Variants in VGLL4 observed in about 807,000 individuals in gnomAD.
The protein encoded by VGLL4 is transcription cofactor vestigial-like protein 4.
A neutral mutation model predicts 21.0 loss-of-function variants in VGLL4; 7 were observed. The observed-to-expected ratio is 0.33, with a 90% confidence interval of 0.19 to 0.63. The LOEUF is 0.63. Among genes scored for constraint, VGLL4 ranks in the 20% least tolerant of loss-of-function variants. The probability of loss-of-function intolerance (pLI) is 0.78; values close to 1 mark genes in which losing one functional copy is unlikely to be tolerated. For missense variants in VGLL4, 394 were observed against 425.7 expected, an observed-to-expected ratio of 0.93 and a Z score of 0.66; for synonymous variants, 222 against 173.2, an observed-to-expected ratio of 1.28 and a Z score of -2.21.
At chr3:11,596,377 A>G (rs2074641019) in intron 2 of VGLL4, among the ~76,000 whole-genome samples, 3 of 152,224 alleles carry the variant, frequency 2.0e-5, no homozygotes, top group African/African-American at 7.2e-5. Context: ...AAAACCATAA[A>G]CAAATCCTGA....
At chr3:11,579,882 G>A (rs994680698) in intron 2 of VGLL4, among the ~76,000 whole-genome samples, 2 of 152,056 alleles carry the variant, frequency 1.3e-5, no homozygotes, top group Middle Eastern at 3.2e-3. Flanking sequence ...CCTGGAGCTC[G>A]GTCTGCCCTC....
At chr3:11,654,416 G>A (rs1450466411) in intron 2 of VGLL4, among the ~76,000 whole-genome samples, 2 of 152,142 alleles carry the variant, frequency 1.3e-5, no homozygotes, top group African/African-American at 2.4e-5. Flanking sequence ...CTAAACTCAC[G>A]CAAAGAGCAG....
chr3:11,713,561 A>ATTT (rs2076877883), intron 1 of VGLL4, among the ~76,000 whole-genome samples: 39 of 76,298 alleles, frequency 5.1e-4, no homozygotes, highest in Admixed American at 4.7e-3. Context: ...GTGTGTATAT[A>ATTT]TATTATTTAT....
intron 2 of VGLL4, among the ~76,000 whole-genome samples, chr3:11,595,135 T>C (rs1200675748): frequency 1.3e-5 from 2 of 152,104 alleles, no homozygotes; most frequent in Admixed American, 6.5e-5. Context: ...CACTCCAGCC[T>C]GGGCAACAAG....
chr3:11,645,547 G>A (rs1391107847), upstream of VGLL4, among the ~76,000 whole-genome samples: 6 of 85,290 alleles, frequency 7.0e-5, 1 homozygote, highest in Non-Finnish European at 1.2e-4. Flanking sequence ...CCAAGATTGC[G>A]CCACTGCAGT....
At chr3:11,667,455 A>G (rs1397443410) in intron 2 of VGLL4, among the ~76,000 whole-genome samples, 1 of 152,192 alleles carries the variant, frequency 6.6e-6, no homozygotes, top group Non-Finnish European at 1.5e-5. Flanking sequence ...CTATTTACAT[A>G]TTGACATATA....
intron 2 of VGLL4, chr3:11,671,326 C>T (rs367897906): frequency 8.2e-5 from 121 of 1,471,006 alleles, no homozygotes; most frequent in South Asian, 7.8e-4. Context: ...TGTCAAAATG[C>T]GTATTCTCAG....
intron 1 of VGLL4, among the ~76,000 whole-genome samples, chr3:11,627,019 T>TAG (rs1484044842): frequency 1.3e-5 from 2 of 152,018 alleles, no homozygotes; most frequent in African/African-American, 4.8e-5. Flanking sequence ...GTGTTATCAC[T>TAG]TAAATGTAGT....
Position 11,573,233 on chromosome 3 carries a change from A to G in VGLL4, c.273-8214T>C, listed in dbSNP as rs1464764602. 2.3e-5 allele frequency among the ~76,000 whole-genome samples: 3 copies of G among 132,330 alleles called. No homozygotes were observed. The Admixed American group carries it at 2.3e-4, about 10-fold the overall frequency. 86.8% of individuals were successfully genotyped at this position (132,330 alleles called of 152,430 possible). A position where few individuals can be genotyped will look rare whatever the true frequency, so the allele number is the denominator to read the frequency against. On this transcript the variant is annotated intron_variant, in intron 2 of 4. Coordinates refer to ENST00000430365, the MANE Select transcript of VGLL4 (RefSeq NM_001128219.3). ...GAGAGAGAGAGAAAGACAGACAGAA[A>G]GAAAAGAAATAGAGAAAGAAAGAAA...
At position 11,674,011 on chromosome 3, in the gene VGLL4, C is replaced by CA. The variant is rs11293628; in HGVS notation, c.64+28959dup. ...TGGGTGACAGAGCGAGACTTTGTCT[C>CA]AAAAAAAAAAAAAAAAAAAAAAAAA... On this transcript the variant is annotated intron_variant, in intron 2 of 5. Transcript: ENST00000273038. Among the ~76,000 whole-genome samples the CA allele has an allele frequency of 3.3e-3, 189 of 56,862 alleles. 5 individuals are homozygous for CA. Among genetic ancestry groups the CA allele is most frequent in the East Asian group, 0.018 (40 of 2,224 alleles). 37.3% of individuals were successfully genotyped at this position (56,862 alleles called of 152,430 possible). A position where few individuals can be genotyped will look rare whatever the true frequency, so the allele number is the denominator to read the frequency against.
intron 2 of VGLL4, among the ~76,000 whole-genome samples, chr3:11,699,817 A>G (rs1483966859): frequency 1.3e-5 from 2 of 152,210 alleles, no homozygotes; most frequent in African/African-American, 4.8e-5. Flanking sequence ...GTCTCAAAAA[A>G]AAAAAGGAGA....
intron 2 of VGLL4, among the ~76,000 whole-genome samples, chr3:11,664,328 G>C (rs1370456976): frequency 6.6e-6 from 1 of 152,158 alleles, no homozygotes; most frequent in African/African-American, 2.4e-5. Flanking sequence ...CCAGAGTCCA[G>C]TGCACTACTT....
chr3:11,592,154 A>C (rs2074515313), intron 2 of VGLL4, among the ~76,000 whole-genome samples: 1 of 152,248 alleles, frequency 6.6e-6, no homozygotes, highest in African/African-American at 2.4e-5. Context: ...GATTTATGAA[A>C]TCTAGAGGGA....
intron 1 of VGLL4, among the ~76,000 whole-genome samples, chr3:11,628,541 C>A (rs1191760800): frequency 6.6e-6 from 1 of 152,106 alleles, no homozygotes; most frequent in Non-Finnish European, 1.5e-5. Flanking sequence ...TCAATCTCGG[C>A]CGGGCGCGGT....
intron 2 of VGLL4, among the ~76,000 whole-genome samples, chr3:11,659,161 G>A (rs2075998077): frequency 6.6e-6 from 1 of 152,060 alleles, no homozygotes; most frequent in Non-Finnish European, 1.5e-5. Context: ...CACTCCACTG[G>A]CCCAGAAGGG....
At chr3:11,643,324 G>T (rs916308849) in intron 1 of VGLL4, 113 bp downstream of exon 1, 2 of 1,522,562 alleles carry the variant, frequency 1.3e-6, no homozygotes, top group Admixed American at 3.8e-5. Context: ...GGCCTTTCAA[G>T]TGCCCTACAC....
chr3:11,603,620 A>C (rs888405625), intron 1 of VGLL4, among the ~76,000 whole-genome samples: 2 of 152,178 alleles, frequency 1.3e-5, no homozygotes, highest in Non-Finnish European at 2.9e-5. Flanking sequence ...GGAAGCCCTG[A>C]TGATACCCCC....
At chr3:11,573,206 AAGAG>A (rs746225014) in intron 2 of VGLL4, among the ~76,000 whole-genome samples, 10 of 149,630 alleles carry the variant, frequency 6.7e-5, no homozygotes, top group African/African-American at 1.2e-4. Flanking sequence ...GAAAGAAAAG[AAGAG>A]AGAGAGAGAA....
intron 4 of VGLL4, among the ~76,000 whole-genome samples, chr3:11,559,120 C>T (rs1255827138): frequency 1.3e-5 from 2 of 152,212 alleles, no homozygotes. Flanking sequence ...GGCATGAGAC[C>T]CTGGAACTGA....
Sources: gnomAD v4.1 joint callset for allele counts (sites outside exome capture counted in the v4.1 genomes callset) on GRCh38, gnomAD v4.1.1 for gene constraint, MANE v1.5 for transcripts, NCBI Gene and HGNC (gene_info 2026-07-23, HGNC 2026-07-21) for gene names.